Variants in MTUS2 observed in about 807,000 individuals in gnomAD.
The protein encoded by MTUS2 is microtubule-associated tumor suppressor candidate 2.
MTUS2 carries 40 observed loss-of-function variants against 114.1 expected under a neutral mutation model. The ratio of observed to expected loss-of-function variants is 0.35; its 90% CI spans 0.27 to 0.46. The LOEUF (loss-of-function observed/expected upper bound fraction) is 0.46. Among genes scored for constraint, MTUS2 ranks in the 20% least tolerant of loss-of-function variants. The pLI, the probability that MTUS2 is intolerant of heterozygous loss-of-function variation, is 1.00. For missense variants in MTUS2, 1,679 were observed against 1,705.4 expected (o/e 0.98, Z 0.27); for synonymous variants, 688 against 672.0 (o/e 1.02, Z -0.37).
chr13:29,468,600 A>ACACG (rs1555282672), intron 9 of MTUS2, among the ~76,000 whole-genome samples: 4 of 151,916 alleles, frequency 2.6e-5, no homozygotes, highest in African/African-American at 9.7e-5. Flanking sequence ...ACACACACAC[A>ACACG]CACACACACA....
chr13:29,105,343 T>A (rs936220349), intron 5 of MTUS2, among the ~76,000 whole-genome samples: 1 of 152,198 alleles, frequency 6.6e-6, no homozygotes, highest in Admixed American at 6.5e-5. Context: ...ATGACTTAGG[T>A]TTCATAAATT....
chr13:29,075,498 C>A (rs369154634), intron 4 of MTUS2, among the ~76,000 whole-genome samples: 16 of 152,300 alleles, frequency 1.1e-4, no homozygotes, highest in African/African-American at 3.8e-4. Context: ...CTGTTTTAGT[C>A]TAAGCTGACT....
intron 5 of MTUS2, among the ~76,000 whole-genome samples, chr13:29,132,896 G>T (rs777051057): frequency 9.9e-5 from 15 of 152,150 alleles, no homozygotes; most frequent in Non-Finnish European, 2.2e-4. Context: ...ATTGCTAGAT[G>T]ATGTGGTAAT....
intron 2 of MTUS2, among the ~76,000 whole-genome samples, chr13:29,018,022 C>CA (rs1886138057): frequency 6.6e-6 from 1 of 152,126 alleles, no homozygotes; most frequent in African/African-American, 2.4e-5. Flanking sequence ...ATTCAGGACA[C>CA]AGAGAGAAAA....
chr13:29,101,873 T>C (rs1317238433), intron 5 of MTUS2, among the ~76,000 whole-genome samples: 1 of 152,250 alleles, frequency 6.6e-6, no homozygotes, highest in Non-Finnish European at 1.5e-5. Flanking sequence ...TTGTTTATTC[T>C]CTGTTCTTTC....
intron 4 of MTUS2, among the ~76,000 whole-genome samples, chr13:29,043,736 G>C (rs1425650590): frequency 1.3e-5 from 2 of 150,696 alleles, no homozygotes; most frequent in East Asian, 1.9e-4. Context: ...TTGTTTTAAA[G>C]TCTGTTTCTC....
intron 5 of MTUS2, among the ~76,000 whole-genome samples, chr13:29,226,879 CT>C (rs2139343480): frequency 6.6e-6 from 1 of 152,220 alleles, no homozygotes; most frequent in South Asian, 2.1e-4. Context: ...TCTCAGAATC[CT>C]TTCAAGAAGA....
At chr13:29,075,708 C>G (rs930608217) in intron 4 of MTUS2, among the ~76,000 whole-genome samples, 27 of 152,280 alleles carry the variant, frequency 1.8e-4, no homozygotes, top group African/African-American at 5.8e-4. Context: ...ATTTAAGACA[C>G]TGCCTTAGAT....
At chr13:29,082,254 G>T (rs555950060) in intron 4 of MTUS2, among the ~76,000 whole-genome samples, 22 of 152,322 alleles carry the variant, frequency 1.4e-4, no homozygotes, top group African/African-American at 5.3e-4. Context: ...CTTCTAGCCT[G>T]CAGCACTGTG....
intron 2 of MTUS2, among the ~76,000 whole-genome samples, chr13:28,922,242 A>G (rs1337648740): frequency 1.3e-5 from 2 of 152,130 alleles, no homozygotes; most frequent in Non-Finnish European, 2.9e-5. Context: ...CATGCCTCCT[A>G]TATAGCCTGT....
chr13:29,133,625 A>G (rs1381674765), intron 5 of MTUS2, among the ~76,000 whole-genome samples: 1 of 152,192 alleles, frequency 6.6e-6, no homozygotes, highest in Non-Finnish European at 1.5e-5. Context: ...CCCCCATTGA[A>G]TAGTCATGGC....
intron 5 of MTUS2, among the ~76,000 whole-genome samples, chr13:29,265,858 C>G (rs1179577529): frequency 3.9e-5 from 6 of 152,176 alleles, no homozygotes; most frequent in Non-Finnish European, 8.8e-5. Flanking sequence ...CACCTCCACA[C>G]TGGGGATTAC....
rs143952274 is a variant in MTUS2 at position 28,927,871 on chromosome 13, C to T, written c.-243+88021C>T. 7.9e-5 allele frequency among the ~76,000 whole-genome samples: 12 copies of T among 152,230 alleles called. No homozygotes were observed. The East Asian group carries it at 2.1e-3, about 27-fold the overall frequency. Reference sequence around the variant, plus strand: ...CATTACCTGACTGGAAAATATACTACAAAGCTACAGTAACCAAATCAGCAT... The same window carrying T: ...CATTACCTGACTGGAAAATATACTATAAAGCTACAGTAACCAAATCAGCAT... On this transcript the variant is annotated intron_variant, in intron 2 of 15. Transcript: ENST00000612955.
chr13:29,301,457 C>T (rs1899201971), intron 6 of MTUS2, among the ~76,000 whole-genome samples: 1 of 152,192 alleles, frequency 6.6e-6, no homozygotes, highest in South Asian at 2.1e-4. Flanking sequence ...GGGTTAAAAG[C>T]CACGTTGGAC....
chr13:29,100,597 C>T (rs566526122), intron 4 of MTUS2, among the ~76,000 whole-genome samples, 176 bp from the exon 5 acceptor site: 1 of 152,096 alleles, frequency 6.6e-6, no homozygotes, highest in African/African-American at 2.4e-5. Context: ...GCACCTGACC[C>T]ACAATATAAG....
intron 5 of MTUS2, among the ~76,000 whole-genome samples, chr13:29,121,553 C>T (rs1593498736): frequency 6.6e-6 from 1 of 151,944 alleles, no homozygotes; most frequent in East Asian, 1.9e-4. Flanking sequence ...GAGTTCCATG[C>T]AAAGCCTTTT....
chr13:29,132,452 A>G (rs901752548), intron 5 of MTUS2, among the ~76,000 whole-genome samples: 1 of 152,190 alleles, frequency 6.6e-6, no homozygotes, highest in Non-Finnish European at 1.5e-5. Flanking sequence ...TTGTGCAACC[A>G]TCACCACCAC....
intron 2 of MTUS2, among the ~76,000 whole-genome samples, chr13:28,972,955 A>T (rs1883921164): frequency 1.3e-5 from 2 of 152,110 alleles, no homozygotes; most frequent in Non-Finnish European, 2.9e-5. Context: ...GTCTGAGTAG[A>T]TATGAACATT....
At chr13:29,365,510 T>TTGTGTGTGTGTGTGTGTGTGTGTG (rs56164752) in intron 8 of MTUS2, among the ~76,000 whole-genome samples, 4,185 of 146,842 alleles carry the variant, frequency 0.029, 147 homozygotes, top group African/African-American at 0.078. Flanking sequence ...TTGTTTGGGT[T>TTGTGTGTGTGTGTGTGTGTGTGTG]TGTGTGTGTG....
Sources: allele counts gnomAD v4.1 joint callset (sites outside exome capture counted in the v4.1 genomes callset), GRCh38; gene constraint gnomAD v4.1.1; transcripts MANE v1.5; gene names NCBI Gene and HGNC (gene_info 2026-07-23, HGNC 2026-07-21).